Variants in LRRK2 observed in about 807,000 individuals in gnomAD.
LRRK2 encodes leucine-rich repeat serine/threonine-protein kinase 2.
A neutral mutation model predicts 302.6 loss-of-function variants in LRRK2; 203 were observed. The observed-to-expected ratio is 0.67, with a 90% CI of 0.60 to 0.75. The LOEUF is 0.75. Among genes scored for constraint, LRRK2 ranks in the 30% least tolerant of loss-of-function variants. LRRK2 has a pLI of 0.00. For synonymous variants in LRRK2, 1,066 were observed against 1,031.9 expected (o/e 1.03, Z -0.63); for missense variants, 2,830 against 2,951.0 (o/e 0.96, Z 0.95).
chr12:40,354,746 C>A (rs1386153468), intron 45 of LRRK2, among the ~76,000 whole-genome samples: 1 of 152,060 alleles, frequency 6.6e-6, no homozygotes, highest in African/African-American at 2.4e-5. Flanking sequence ...ATTACCTCAA[C>A]TGTGGCTCTA....
At chr12:40,327,643 A>G (rs1375250687) in intron 38 of LRRK2, among the ~76,000 whole-genome samples, 1 of 152,176 alleles carries the variant, frequency 6.6e-6, no homozygotes, top group African/African-American at 2.4e-5. Context: ...GAGTGACACA[A>G]TCAAAGTGGA....
chr12:40,294,129 TATC>T (rs1386420260), intron 21 of LRRK2, among the ~76,000 whole-genome samples: 2 of 108,952 alleles, frequency 1.8e-5, no homozygotes, highest in African/African-American at 6.7e-5. Context: ...TCTATCTATC[TATC>T]ATCTATCTAT....
chr12:40,233,360 AAAAATTTTCAGG>A (rs1489731523), intron 3 of LRRK2, among the ~76,000 whole-genome samples: 2 of 152,198 alleles, frequency 1.3e-5, no homozygotes, highest in Non-Finnish European at 2.9e-5. Context: ...TTAATTTATG[AAAAATTTTCAGG>A]TGTTTGTATT....
chr12:40,232,923 T>G (rs1013294479), intron 3 of LRRK2: 1 of 152,394 alleles, frequency 6.6e-6, no homozygotes, highest in Non-Finnish European at 1.5e-5. Context: ...TTGATAGTAA[T>G]TTTACCAGCT....
intron 20 of LRRK2, among the ~76,000 whole-genome samples, chr12:40,289,065 A>T (rs945328141): frequency 2.0e-5 from 3 of 151,892 alleles, no homozygotes; most frequent in Non-Finnish European, 4.4e-5. Context: ...GGTCTAAAAC[A>T]TTTTAAGTTG....
chr12:40,250,102 A>T (rs1340421805), intron 8 of LRRK2, among the ~76,000 whole-genome samples, 157 bp downstream of exon 8: 1 of 152,234 alleles, frequency 6.6e-6, no homozygotes, highest in Non-Finnish European at 1.5e-5. Flanking sequence ...AAGGAAACTA[A>T]CAGTTGTGAC....
intron 18 of LRRK2, 41 bp downstream of exon 18, chr12:40,278,302 C>G: frequency 1.9e-6 from 3 of 1,609,300 alleles, no homozygotes; most frequent in Non-Finnish European, 2.6e-6. Context: ...GCTCAGTATT[C>G]TTATAGAATG....
At position 40,309,187 on chromosome 12, in the gene LRRK2, G is replaced by C; in HGVS notation, c.4271G>C (p.Gly1424Ala). ...CTTGCTGTCTATGACCTCAGCAAGG[G>C]ACAGGCTGAAGTTGATGCCATGAAG... is the stretch of plus-strand genomic sequence containing the variant. ...LYLAVYDLSK[G>A]QAEVDAMKPW... Residue 1424 changes from glycine (G) to alanine (A), a missense_variant, in exon 30 of 51, where the codon GGA (glycine) becomes GCA (alanine). Gly to Ala is a moderately conservative substitution (Grantham distance 60, BLOSUM62 0). Around this residue, in one of 3 missense-constraint regions of LRRK2, gnomAD observed 2,121 missense variants for 2,148.0 expected, o/e 0.99. Transcript: ENST00000298910. 2 of 1,613,826 alleles carry C rather than the reference G, an allele frequency of 1.2e-6. No homozygotes were observed. Among genetic ancestry groups the C allele is most frequent in the Non-Finnish European group, 1.7e-6 (2 of 1,179,862 alleles).
At chr12:40,332,520 A>G (rs1333721502) in intron 39 of LRRK2, among the ~76,000 whole-genome samples, 1 of 152,178 alleles carries the variant, frequency 6.6e-6, no homozygotes, top group Non-Finnish European at 1.5e-5. Context: ...CCCTTGATTT[A>G]TTACAAAAAA....
rs1312747610 is a variant in LRRK2, at chr12:40,354,282, T to C, written c.6577-17T>C. On this transcript the variant is annotated splice_polypyrimidine_tract_variant and intron_variant, in intron 44 of 50. Transcript: ENST00000298910. ...CTTAAATCAAATCCTGCTAAGTATA[T>C]TTTCTTTTCTTAACAGGAAGTTGCT... The C allele has an allele frequency of 6.2e-7, 1 of 1,608,448 alleles. No homozygotes were observed. The highest frequency in any genetic ancestry group is 1.7e-5 in the Admixed American group (1 of 59,908).
intron 21 of LRRK2, among the ~76,000 whole-genome samples, chr12:40,294,220 G>A (rs982648017): frequency 6.6e-5 from 10 of 151,392 alleles, no homozygotes; most frequent in African/African-American, 2.4e-4. Flanking sequence ...TGTATTGAAA[G>A]TCATTTAATT....
At chr12:40,263,949 T>C in intron 14 of LRRK2, 48 bp downstream of exon 14, 1 of 1,383,826 alleles carries the variant, frequency 7.2e-7, no homozygotes, top group Non-Finnish European at 1.0e-6. Context: ...ACTAAAATAT[T>C]AAATTTGGAG....
In LRRK2 at chr12:40,235,793, GTTTTTT is replaced by G. The variant is rs36024911; in HGVS notation, c.436+93_436+98del. 321 of 464,312 alleles carry G rather than the reference GTTTTTT, an allele frequency of 6.9e-4. No individual in the cohort carries two copies. In the Admixed American group the frequency reaches 7.9e-3, roughly 11 times the overall value. The allele number at this position is 464,312 out of a possible 1,614,324, so 28.8% of individuals were successfully genotyped here. A position where few individuals can be genotyped will look rare whatever the true frequency, so the allele number is the denominator to read the frequency against. ...CCATTAAGTAAATGTGTGTGTGTGT[GTTTTTT>G]TTTTTTTTTTTTTGAAGATCAGGAT... is the stretch of plus-strand genomic sequence containing the variant. On this transcript the variant is annotated intron_variant, in intron 4 of 50. Transcript: ENST00000298910.
Position 40,235,662 on chromosome 12 carries a change from T to G in LRRK2, c.384T>G (p.Ser128Arg), listed in dbSNP as rs1404560495. The stretch of plus-strand genomic sequence containing the variant: ...AAATGCTAACAGTTCATAATGCCAG[T>G]GTAAACTTGTCAGTGATTGGACTGA... Reference protein sequence around the residue: ...ILKMLTVHNASVNLSVIGLKT... With the variant: ...ILKMLTVHNARVNLSVIGLKT... Residue 128 changes from serine to arginine, a missense_variant, in exon 4 of 51, where the codon AGT (serine) becomes AGG (arginine). This residue lies in a region of LRRK2 where 2,121 missense variants were observed against 2,148.0 expected (regional missense o/e 0.99). Coordinates refer to ENST00000298910, the MANE Select transcript of LRRK2 (RefSeq NM_198578.4). The G allele has an allele frequency of 6.2e-7, 1 of 1,609,820 alleles. No homozygotes were observed. The highest frequency in any genetic ancestry group is 8.5e-7 in the Non-Finnish European group (1 of 1,176,172).
intron 47 of LRRK2, among the ~76,000 whole-genome samples, chr12:40,360,294 A>G (rs1946664287): frequency 6.6e-6 from 1 of 152,080 alleles, no homozygotes; most frequent in Middle Eastern, 3.2e-3. Flanking sequence ...AGCTATTATT[A>G]TTATTATTAG....
At chr12:40,365,105 C>T (rs977241006) in intron 49 of LRRK2, 55 bp downstream of exon 49, 1 of 1,483,642 alleles carries the variant, frequency 6.7e-7, no homozygotes, top group Non-Finnish European at 9.4e-7. Context: ...ATAAAATATG[C>T]CTTTATTTTA....
intron 41 of LRRK2, among the ~76,000 whole-genome samples, chr12:40,343,384 A>G (rs931339176): frequency 3.3e-5 from 5 of 152,240 alleles, no homozygotes; most frequent in African/African-American, 1.2e-4. Context: ...CTAATGCGAT[A>G]GTATTTAACA....
Position 40,326,239 on chromosome 12 carries a change from C to T in LRRK2, c.5657-2121C>T, listed in dbSNP as rs113547915. On this transcript the variant is annotated intron_variant, in intron 38 of 50. Transcript: ENST00000298910. ...CAACACTTTGGGAGGCCGAGATGGG[C>T]GGATCATGAGGTCAGGAGATCGAGA... 3.2e-3 allele frequency among the ~76,000 whole-genome samples: 479 copies of T among 152,024 alleles called. 5 individuals carry two copies. Among genetic ancestry groups the T allele is most frequent in the African/African-American group, 0.01 (422 of 41,480 alleles).
In LRRK2 at chr12:40,243,577, G is replaced by T. The variant is rs1190175882; in HGVS notation, c.734G>T (p.Gly245Val). The T allele has an allele frequency of 6.2e-7, 1 of 1,611,756 alleles. No homozygotes were observed. The change falls in exon 7 of 51, where the codon GGC becomes GTC. Residue 245 changes from glycine to valine, a missense_variant. Physicochemically the swap from Gly to Val is moderately radical, Grantham distance 109. Coordinates refer to ENST00000298910, the MANE Select transcript of LRRK2 (RefSeq NM_198578.4). ...AATAATGTGGAAGTCCTCATGAGTG[G>T]CAATGTCAGGTGTTATAATATTGTG... is the stretch of plus-strand genomic sequence containing the variant. Reference protein sequence around the residue: ...PCNNVEVLMSGNVRCYNIVVE... With the variant: ...PCNNVEVLMSVNVRCYNIVVE...
Sources: allele counts gnomAD v4.1 joint callset (sites outside exome capture counted in the v4.1 genomes callset), GRCh38; gene constraint gnomAD v4.1.1; regional missense constraint gnomAD v4.1.1; transcripts MANE v1.5; gene names NCBI Gene and HGNC (gene_info 2026-07-23, HGNC 2026-07-21).